Variants in LSS observed in about 807,000 individuals in gnomAD.
LSS encodes the protein lanosterol synthase.
In LSS, 90 loss-of-function variants were observed where a neutral mutation model predicts 110.3. The ratio of observed to expected loss-of-function variants is 0.82; its 90% CI spans 0.69 to 0.97. LSS has a LOEUF of 0.97. Among genes scored for constraint, LSS ranks in the 50% least tolerant of loss-of-function variants. The probability of loss-of-function intolerance (pLI) is 0.00; values close to 1 mark genes in which losing one functional copy is unlikely to be tolerated. For synonymous variants in LSS, 433 were observed against 400.0 expected, an observed-to-expected ratio of 1.08 and a Z score of -0.98; for missense variants, 927 against 990.0, an observed-to-expected ratio of 0.94 and a Z score of 0.85.
chr21:46,212,683 A>G (rs565602501), intron 11 of LSS, among the ~76,000 whole-genome samples: 78 of 152,354 alleles, frequency 5.1e-4, no homozygotes, highest in Non-Finnish European at 9.8e-4. Flanking sequence ...TTAAGAGTGC[A>G]TGGAGGAGAA....
In LSS at chr21:46,213,788, G is replaced by C. The variant is rs767531187; in HGVS notation, c.1059C>G (p.Pro353=). Reference sequence around the variant, plus strand: ...CATGCTCCTGGAAGGCAGTGGAGGCGGGCCCGTCCACATACCAGCGCACAA... The same window carrying C: ...CATGCTCCTGGAAGGCAGTGGAGGCCGGCCCGTCCACATACCAGCGCACAA... The part of the protein sequence containing the change: ...NMLVRWYVDG[P]ASTAFQEHVS... Residue 353 remains proline, a synonymous_variant, in exon 10 of 22, where the codon CCC becomes CCG. Coordinates refer to ENST00000397728, the MANE Select transcript of LSS (RefSeq NM_002340.6). 2 of 1,614,030 alleles carry C rather than the reference G, an allele frequency of 1.2e-6. No individual in the cohort carries two copies. Among genetic ancestry groups the C allele is most frequent in the South Asian group, 2.2e-5 (2 of 91,064 alleles).
rs972161908 is a variant in LSS, at chr21:46,223,236, C to T, written c.320-498G>A. Among the ~76,000 whole-genome samples the T allele has an allele frequency of 2.4e-4, 37 of 152,096 alleles. 1 individual carries two copies. Among genetic ancestry groups the T allele is most frequent in the Non-Finnish European group, 8.8e-5 (6 of 68,020 alleles). On this transcript the variant is annotated intron_variant, in intron 3 of 21. Transcript: ENST00000397728. ...TCAAAATTTTTTTACAAGCATATGC[C>T]GCTTTGCAAATGTCAGGGGGGAGGC...
At position 46,191,251 on chromosome 21, in the gene LSS, GAAAT is replaced by G; in HGVS notation, c.2068-20_2068-17del. 1 of 1,613,946 alleles carries G rather than the reference GAAAT, an allele frequency of 6.2e-7. No individual in the cohort carries two copies. Among genetic ancestry groups the G allele is most frequent in the Non-Finnish European group, 8.5e-7 (1 of 1,179,924 alleles). On this transcript the variant is annotated splice_polypyrimidine_tract_variant and intron_variant, in intron 21 of 21. Coordinates refer to ENST00000397728, the MANE Select transcript of LSS (RefSeq NM_002340.6). ...CAATGTTTTCCTAAAAGAACACAGAGAAATAAACACAAAGGCTTCACCAGTCAGC... is the reference window on the plus strand; with the variant it reads ...CAATGTTTTCCTAAAAGAACACAGAGAAACACAAAGGCTTCACCAGTCAGC...
At chr21:46,208,853 G>A (rs1187787016) in intron 13 of LSS, among the ~76,000 whole-genome samples, 1 of 152,218 alleles carries the variant, frequency 6.6e-6, no homozygotes, top group Admixed American at 6.5e-5. Flanking sequence ...CCCAAGATGG[G>A]TGCCAGCCTT....
chr21:46,189,582 TGAGAGC>T lies in LSS; in HGVS notation c.*1516_*1521del, dbSNP rs1320597391. On this transcript the variant is annotated 3_prime_UTR_variant, in exon 22 of 22. Coordinates refer to ENST00000397728, the MANE Select transcript of LSS (RefSeq NM_002340.6). Reference sequence around the variant, plus strand: ...GACCCCAGAGGGTGCGGCACCTGGGTGAGAGCCCTGGACTGCACACCAAGGCAGAGG... The same window carrying T: ...GACCCCAGAGGGTGCGGCACCTGGGTCCTGGACTGCACACCAAGGCAGAGG... 2.3e-6 allele frequency: 1 copy of T among 442,852 alleles called. No individual in the cohort carries two copies. Among genetic ancestry groups the T allele is most frequent in the African/African-American group, 2.0e-5 (1 of 49,730 alleles). The allele number at this position is 442,852 out of a possible 1,614,324, so 27.4% of individuals were successfully genotyped here. A position where few individuals can be genotyped will look rare whatever the true frequency, so the allele number is the denominator to read the frequency against.
chr21:46,209,416 T>G lies in LSS; in HGVS notation c.1266+138A>C, dbSNP rs1470663691. 2.8e-6 allele frequency: 2 copies of G among 716,980 alleles called. No individual in the cohort carries two copies. The highest frequency in any genetic ancestry group is 1.9e-5 in the African/African-American group (1 of 53,106). The allele number at this position is 716,980 out of a possible 1,614,324, so 44.4% of individuals were successfully genotyped here. On this transcript the variant is annotated intron_variant, in intron 13 of 21. Transcript: ENST00000397728. The surrounding 1 kb of genome is among the most constrained non-coding windows in gnomAD (Gnocchi z 4.4). ...GATGGAGCAGGGGCTAGGGAGGGGA[T>G]GGGAGGGTGGGGGTGACCTGAAACA...
At chr21:46,201,002 A>C (rs34404027) in intron 17 of LSS, among the ~76,000 whole-genome samples, 2,983 of 143,104 alleles carry the variant, frequency 0.021, 116 homozygotes, top group African/African-American at 0.063. Context: ...GAAGACAGGT[A>C]ATGAAGCCCT....
At chr21:46,192,617 T>C (rs2079836486) in intron 20 of LSS, 1 of 371,920 alleles carries the variant, frequency 2.7e-6, no homozygotes, top group Non-Finnish European at 5.4e-6. Flanking sequence ...ACAGATGCGA[T>C]ACTGCGGGTG....
intron 4 of LSS, chr21:46,222,394 G>T: frequency 1.8e-6 from 1 of 567,734 alleles, no homozygotes; most frequent in Non-Finnish European, 3.1e-6. Context: ...TTCACATGTG[G>T]GTCTCAAGAG....
intron 3 of LSS, among the ~76,000 whole-genome samples, chr21:46,226,852 A>G (rs1601454947): frequency 6.6e-6 from 1 of 151,344 alleles, no homozygotes; most frequent in Non-Finnish European, 1.5e-5. Context: ...AGGACTTTCT[A>G]TCTATTACAA....
intron 17 of LSS, among the ~76,000 whole-genome samples, chr21:46,197,718 T>C (rs1404446972): frequency 1.3e-5 from 2 of 151,920 alleles, no homozygotes; most frequent in Non-Finnish European, 2.9e-5. Flanking sequence ...TGAAACCCCG[T>C]CTCTACTAAA....
rs990821014 is a variant in LSS, at chr21:46,209,760, G to A, written c.1195-135C>T. ...TCAAACCAGCAGACATCTCCAGAGA[G>A]TGCCAGGGTCTCCTGCTGCACTTAC... On this transcript the variant is annotated intron_variant, in intron 12 of 21. Coordinates refer to ENST00000397728, the MANE Select transcript of LSS (RefSeq NM_002340.6). This position sits in a 1 kb window ranked among gnomAD's most constrained non-coding sequence, Gnocchi z 4.4. The A allele has an allele frequency of 8.8e-6, 6 of 684,762 alleles. No homozygotes were observed. The highest frequency in any genetic ancestry group is 1.5e-5 in the Non-Finnish European group (6 of 393,794). The allele number at this position is 684,762 out of a possible 1,614,324, so 42.4% of individuals were successfully genotyped here. A position where few individuals can be genotyped will look rare whatever the true frequency, so the allele number is the denominator to read the frequency against.
intron 5 of LSS, 97 bp downstream of exon 5, chr21:46,221,757 T>G (rs940235648): frequency 6.4e-7 from 1 of 1,558,020 alleles, no homozygotes; most frequent in Non-Finnish European, 8.8e-7. Flanking sequence ...TTGCCCACTG[T>G]TTCAGCTGCA....
chr21:46,219,006 T>C (rs961302458), intron 6 of LSS, among the ~76,000 whole-genome samples: 1 of 152,220 alleles, frequency 6.6e-6, no homozygotes, highest in Non-Finnish European at 1.5e-5. Flanking sequence ...ATTACAGGCA[T>C]GAGCCACCCC....
rs17293705 is a variant in LSS at position 46,191,885 on chromosome 21, G to A, written c.2063C>T (p.Pro688Leu). The A allele has an allele frequency of 0.017, 28,060 of 1,612,632 alleles. 291 individuals carry two copies. The highest frequency in any genetic ancestry group is 0.024 in the South Asian group (2,182 of 90,698). Residue 688 changes from proline to leucine, a missense_variant, in exon 21 of 22, where the codon CCG becomes CTG. Transcript: ENST00000397728. Reference protein sequence around the residue: ...LEKQLPNGDWPQENIAGVFNK... With the variant: ...LEKQLPNGDWLQENIAGVFNK... ...CTCAGGTCCCTGGCGGCATACCTGC[G>A]GCCAGTCGCCATTGGGGAGCTGTTT...
intron 17 of LSS, among the ~76,000 whole-genome samples, chr21:46,200,393 A>G (rs2079964128): frequency 6.6e-6 from 1 of 152,094 alleles, no homozygotes; most frequent in South Asian, 2.1e-4. Context: ...CCCACAAAGA[A>G]AAAAAAAGCA....
Position 46,208,308 on chromosome 21 carries a change from A to G in LSS, c.1267-7T>C. On this transcript the variant is annotated splice_region_variant and splice_polypyrimidine_tract_variant and intron_variant, in intron 13 of 21. Coordinates refer to ENST00000397728, the MANE Select transcript of LSS (RefSeq NM_002340.6). ...CGGGAGGGTTATCTGGGACCTGGGCAGCATCGAGGGCAAATGTGGAAGCAG... is the reference window on the plus strand; with the variant it reads ...CGGGAGGGTTATCTGGGACCTGGGCGGCATCGAGGGCAAATGTGGAAGCAG... The G allele has an allele frequency of 6.4e-7, 1 of 1,552,498 alleles. No homozygotes were observed. The highest frequency in any genetic ancestry group is 2.0e-5 in the Admixed American group (1 of 51,100).
At position 46,216,770 on chromosome 21, in the gene LSS, G is replaced by A. The variant is rs1179247546; in HGVS notation, c.648-246C>T. Among the ~76,000 whole-genome samples, 2 of 152,182 alleles carry A rather than the reference G, an allele frequency of 1.3e-5. No homozygotes were observed. Among genetic ancestry groups the A allele is most frequent in the Non-Finnish European group, 2.9e-5 (2 of 68,028 alleles). ...TTGCATCCTAAAACCAGGTGATGGAGCTCCTAAATGCTTAGGATTGTCCGT... is the reference window on the plus strand; with the variant it reads ...TTGCATCCTAAAACCAGGTGATGGAACTCCTAAATGCTTAGGATTGTCCGT... On this transcript the variant is annotated intron_variant, in intron 6 of 21. Coordinates refer to ENST00000397728, the MANE Select transcript of LSS (RefSeq NM_002340.6). This position sits in a 1 kb window ranked among gnomAD's most constrained non-coding sequence, Gnocchi z 4.2.
At position 46,196,046 on chromosome 21, in the gene LSS, G is replaced by T. The variant is rs554937831; in HGVS notation, c.1736+156C>A. ...GGCAAAGGCCACGCATGCCACAAAG[G>T]AACGAGGTCCCCCAGAAGTCACGGG... On this transcript the variant is annotated intron_variant, in intron 18 of 21. Transcript: ENST00000397728. Among the ~76,000 whole-genome samples, 4 of 152,376 alleles carry T rather than the reference G, an allele frequency of 2.6e-5. No individual in the cohort carries two copies. The East Asian group carries it at 7.7e-4, about 29-fold the overall frequency.
Sources: gnomAD v4.1 joint callset for allele counts (sites outside exome capture counted in the v4.1 genomes callset) on GRCh38, gnomAD v4.1.1 for gene constraint, Gnocchi (gnomAD v3.1) non-coding constraint, MANE v1.5 for transcripts, NCBI Gene and HGNC (gene_info 2026-07-23, HGNC 2026-07-21) for gene names.